GALNT10: variants seen among roughly 807,000 people sequenced by gnomAD.
GALNT10 encodes GalNAc transferase 10.
A neutral mutation model predicts 75.0 loss-of-function variants in GALNT10; 41 were observed. The observed-to-expected ratio is 0.55, with a 90% CI of 0.43 to 0.71. The LOEUF is 0.71. Ranked by LOEUF, GALNT10 falls within the 30% of genes least tolerant of loss-of-function variation. GALNT10 has a pLI of 0.00. For synonymous variants in GALNT10, 302 were observed against 313.0 expected, an observed-to-expected ratio of 0.96 and a Z score of 0.37; for missense variants, 727 against 818.5, an observed-to-expected ratio of 0.89 and a Z score of 1.36.
At chr5:154,328,376 A>G (rs999762688) in intron 3 of GALNT10, among the ~76,000 whole-genome samples, 10 of 152,330 alleles carry the variant, frequency 6.6e-5, no homozygotes, top group Admixed American at 6.5e-4. Flanking sequence ...GGAGGGGCTG[A>G]GCCATTGAAG....
chr5:154,371,157 T>A (rs1437154597), intron 4 of GALNT10, among the ~76,000 whole-genome samples: 1 of 152,164 alleles, frequency 6.6e-6, no homozygotes, highest in African/African-American at 2.4e-5. Context: ...ATTCCTTGGC[T>A]CATAGACTCA....
intron 1 of GALNT10, among the ~76,000 whole-genome samples, chr5:154,273,877 G>A (rs1357944130): frequency 6.6e-6 from 1 of 152,202 alleles, no homozygotes; most frequent in Non-Finnish European, 1.5e-5. Flanking sequence ...CCTAATTAAT[G>A]TATCACAAAG....
At chr5:154,237,900 A>G (rs919196780) in intron 1 of GALNT10, among the ~76,000 whole-genome samples, 10 of 152,192 alleles carry the variant, frequency 6.6e-5, no homozygotes, top group African/African-American at 1.2e-4. Context: ...CCACCGCACC[A>G]TGACTCATGT....
Position 154,294,926 on chromosome 5 carries a change from G to A in GALNT10, c.262+8G>A. On this transcript the variant is annotated splice_region_variant and intron_variant, in intron 2 of 11. Transcript: ENST00000297107. ...GGGACGCTCAGCGCGTAGGTACGGAGGGCAGGATTGGCCATGGGTGGGCTC... is the reference window on the plus strand; with the variant it reads ...GGGACGCTCAGCGCGTAGGTACGGAAGGCAGGATTGGCCATGGGTGGGCTC... The A allele has an allele frequency of 7.2e-7, 1 of 1,386,004 alleles. No homozygotes were observed. Among genetic ancestry groups the A allele is most frequent in the Non-Finnish European group, 1.0e-6 (1 of 971,570 alleles). 85.9% of individuals were successfully genotyped at this position (1,386,004 alleles called of 1,614,324 possible). A position where few individuals can be genotyped will look rare whatever the true frequency, so the allele number is the denominator to read the frequency against.
chr5:154,374,517 C>A (rs1392796041), intron 4 of GALNT10, among the ~76,000 whole-genome samples: 1 of 152,202 alleles, frequency 6.6e-6, no homozygotes, highest in Non-Finnish European at 1.5e-5. Context: ...GAGACAGGTT[C>A]TTGCTCTGTC....
chr5:154,273,470 A>G (rs1753901255), intron 1 of GALNT10, among the ~76,000 whole-genome samples: 2 of 152,208 alleles, frequency 1.3e-5, no homozygotes, highest in Non-Finnish European at 2.9e-5. Context: ...CTGTGGAAAC[A>G]TTTCAGACTT....
At chr5:154,336,773 T>C (rs1334496272) in intron 4 of GALNT10, among the ~76,000 whole-genome samples, 1 of 152,204 alleles carries the variant, frequency 6.6e-6, no homozygotes, top group Admixed American at 6.5e-5. Context: ...TAACATATAG[T>C]AACATGTAAT....
chr5:154,410,964 C>T (rs1331090824), intron 9 of GALNT10, among the ~76,000 whole-genome samples: 1 of 152,214 alleles, frequency 6.6e-6, no homozygotes, highest in Non-Finnish European at 1.5e-5. Flanking sequence ...GTGAACTGCG[C>T]ATGGTGTGGC....
At chr5:154,243,153 T>G (rs1753364746) in intron 1 of GALNT10, among the ~76,000 whole-genome samples, 1 of 152,114 alleles carries the variant, frequency 6.6e-6, no homozygotes, top group South Asian at 2.1e-4. Context: ...TTTTTAGAGA[T>G]GGGGTCTCAA....
rs1368195786 is a variant in GALNT10 at position 154,408,886 on chromosome 5, C to T, written c.1165-655C>T. 2.0e-5 allele frequency among the ~76,000 whole-genome samples: 3 copies of T among 152,160 alleles called. 1 individual carries two copies. The South Asian group carries it at 6.2e-4, about 32-fold the overall frequency. On this transcript the variant is annotated intron_variant, in intron 8 of 11. Transcript: ENST00000297107. The stretch of plus-strand genomic sequence containing the variant: ...ACTGGAAAGTCCAAGGTAGCTCTAG[C>T]TTCAGACATGGCTGGATTCTGGTGT...
At chr5:154,254,677 T>C (rs139294627) in intron 1 of GALNT10, among the ~76,000 whole-genome samples, 18 of 152,100 alleles carry the variant, frequency 1.2e-4, no homozygotes, top group African/African-American at 4.3e-4. Context: ...TTCTGATCAA[T>C]TGATAATGAC....
intron 3 of GALNT10, among the ~76,000 whole-genome samples, chr5:154,325,048 C>T (rs1318546164): frequency 1.3e-5 from 2 of 151,910 alleles, no homozygotes; most frequent in Non-Finnish European, 2.9e-5. Context: ...ACTTGGGAAC[C>T]ATGTAAATAT....
chr5:154,228,735 A>G (rs1398010073), intron 1 of GALNT10, among the ~76,000 whole-genome samples: 1 of 152,104 alleles, frequency 6.6e-6, no homozygotes, highest in Non-Finnish European at 1.5e-5. Context: ...CCAAACTCCC[A>G]CCTTGCGTGG....
intron 3 of GALNT10, among the ~76,000 whole-genome samples, chr5:154,310,519 G>T (rs566988940): frequency 2.0e-5 from 3 of 152,074 alleles, no homozygotes; most frequent in South Asian, 4.2e-4. Context: ...ATCCAGGCTG[G>T]AGTGCAGGCG....
At chr5:154,294,794 A>G (rs373376853) in intron 1 of GALNT10, 22 bp from the exon 2 acceptor site, 3 of 1,287,592 alleles carry the variant, frequency 2.3e-6, no homozygotes, top group South Asian at 1.2e-5. Context: ...TCTATTTTTC[A>G]TAGTTTTTGT....
At chr5:154,267,651 C>A (rs983704225) in intron 1 of GALNT10, among the ~76,000 whole-genome samples, 1 of 152,134 alleles carries the variant, frequency 6.6e-6, no homozygotes, top group African/African-American at 2.4e-5. Context: ...TCTGGGTCAC[C>A]TTTTCCTTGC....
chr5:154,412,940 G>A lies in GALNT10; in HGVS notation c.1438G>A (p.Gly480Ser). The A allele has an allele frequency of 1.2e-6, 2 of 1,613,848 alleles. No individual in the cohort carries two copies. The highest frequency in any genetic ancestry group is 8.5e-7 in the Non-Finnish European group (1 of 1,179,902). The change falls in exon 10 of 12, where the codon GGC (glycine) becomes AGC (serine). Residue 480 changes from glycine (G) to serine (S), a missense_variant. Transcript: ENST00000297107. This position sits in a 1 kb window ranked among gnomAD's most constrained non-coding sequence, Gnocchi z 4.2. ...LCADTKHGAL[G>S]SPLRLEGCVR... ...TGCAGACACAAAGCACGGGGCCTTG[G>A]GCTCCCCACTAAGGCTAGAGGGCTG... is the stretch of plus-strand genomic sequence containing the variant.
At chr5:154,407,683 A>C (rs1756309612) in intron 8 of GALNT10, among the ~76,000 whole-genome samples, 1 of 152,182 alleles carries the variant, frequency 6.6e-6, no homozygotes, top group South Asian at 2.1e-4. Flanking sequence ...TGTGTTTCAG[A>C]GTGTTCATGT....
chr5:154,271,441 G>A (rs1270441503), intron 1 of GALNT10, among the ~76,000 whole-genome samples: 1 of 151,972 alleles, frequency 6.6e-6, no homozygotes, highest in Non-Finnish European at 1.5e-5. Flanking sequence ...ACTCCAGCCT[G>A]GGCAACAAGG....
Sources: gnomAD v4.1 joint callset for allele counts (sites outside exome capture counted in the v4.1 genomes callset) on GRCh38, gnomAD v4.1.1 for gene constraint, Gnocchi (gnomAD v3.1) non-coding constraint, MANE v1.5 for transcripts, NCBI Gene and HGNC (gene_info 2026-07-23, HGNC 2026-07-21) for gene names.